Variants in GEMIN5 observed in about 807,000 individuals in gnomAD.
GEMIN5 encodes the protein gem nuclear organelle associated protein 5, also known as gem-associated protein 5.
In GEMIN5, 124 loss-of-function variants were observed where a neutral mutation model predicts 176.9. The observed-to-expected ratio is 0.70, with a 90% CI of 0.61 to 0.81. The LOEUF (loss-of-function observed/expected upper bound fraction) is 0.81, where lower values mean the gene tolerates loss of function less well. Ranked by LOEUF, GEMIN5 falls within the 40% of genes least tolerant of loss-of-function variation. GEMIN5 has a pLI of 0.00. For missense variants in GEMIN5, 1,843 were observed against 1,814.6 expected (o/e 1.02, Z -0.28); for synonymous variants, 673 against 665.2 (o/e 1.01, Z -0.18).
At position 154,891,341 on chromosome 5, in the gene GEMIN5, G is replaced by C. The variant is rs1429499353; in HGVS notation, c.4162C>G (p.His1388Asp). Reference sequence around the variant, plus strand: ...GATTTACAGAGTTGACTCTTTTGGTGTTGTCGGATCATTTCTGCCAAGGTC... The same window carrying C: ...GATTTACAGAGTTGACTCTTTTGGTCTTGTCGGATCATTTCTGCCAAGGTC... ...QETLAEMIRQ[H>D]QKSQLCKSTA... The change falls in exon 26 of 28, where the codon CAC becomes GAC. Residue 1388 changes from histidine (H) to aspartate (D), a missense_variant. Physicochemically the swap from His to Asp is moderately conservative, Grantham distance 81. Coordinates refer to ENST00000285873, the MANE Select transcript of GEMIN5 (RefSeq NM_015465.5). The C allele has an allele frequency of 6.2e-7, 1 of 1,614,054 alleles. No homozygotes were observed. Among genetic ancestry groups the C allele is most frequent in the African/African-American group, 1.3e-5 (1 of 75,014 alleles).
At chr5:154,936,567 G>A (rs1234254043) in intron 2 of GEMIN5, among the ~76,000 whole-genome samples, 2 of 152,140 alleles carry the variant, frequency 1.3e-5, no homozygotes, top group South Asian at 2.1e-4. Context: ...TATTAAGTAG[G>A]TCTTTTCCTT....
chr5:154,899,201 C>T lies in GEMIN5; in HGVS notation c.3124G>A (p.Ala1042Thr). Residue 1042 changes from alanine (A) to threonine (T), a missense_variant, in exon 22 of 28, where the codon GCT becomes ACT. Transcript: ENST00000285873. ...VLERDGHYAVAAKCYLGATCA... is the reference protein window; with the variant it reads ...VLERDGHYAVTAKCYLGATCA... ...ACTCCTCAGGCTTACCATTTGGCAG[C>T]TACAGCATAGTGGCCATCTCTTTCT... 1.2e-6 allele frequency: 2 copies of T among 1,611,474 alleles called. No individual in the cohort carries two copies. Among genetic ancestry groups the T allele is most frequent in the Non-Finnish European group, 1.7e-6 (2 of 1,178,788 alleles).
intron 3 of GEMIN5, among the ~76,000 whole-genome samples, chr5:154,932,745 G>A (rs1027244744): frequency 2.6e-5 from 4 of 152,000 alleles, no homozygotes; most frequent in Admixed American, 1.3e-4. Flanking sequence ...GTATTTTTTT[G>A]TAGAGATGAG....
intron 5 of GEMIN5, among the ~76,000 whole-genome samples, chr5:154,930,671 T>C (rs1282894230): frequency 6.6e-6 from 1 of 152,082 alleles, no homozygotes; most frequent in Non-Finnish European, 1.5e-5. Context: ...AGCAGAATGA[T>C]GGTTGCCAGG....
chr5:154,922,009 T>G (rs1763933142), intron 9 of GEMIN5, among the ~76,000 whole-genome samples: 1 of 152,254 alleles, frequency 6.6e-6, no homozygotes, highest in Non-Finnish European at 1.5e-5. Flanking sequence ...ATACATTCTT[T>G]GTATGATTGT....
rs200211713 is a variant in GEMIN5, at chr5:154,921,375, G to A, written c.1430C>T (p.Ala477Val). 1 of 1,492,648 alleles carries A rather than the reference G, an allele frequency of 6.7e-7. No individual in the cohort carries two copies. Among genetic ancestry groups the A allele is most frequent in the Non-Finnish European group, 9.3e-7 (1 of 1,076,706 alleles). 92.5% of individuals were successfully genotyped at this position (1,492,648 alleles called of 1,614,324 possible). The change falls in exon 10 of 28, where the codon GCC becomes GTC. Residue 477 changes from alanine (A) to valine (V), a missense_variant. Ala to Val is a moderately conservative substitution (Grantham distance 64, BLOSUM62 0). Coordinates refer to ENST00000285873, the MANE Select transcript of GEMIN5 (RefSeq NM_015465.5). ...TYHKKTVYTL[A>V]WGPPVPPMSL... Reference sequence around the variant, plus strand: ...CATGGGGGGTACTGGTGGCCCCCAGGCTAAAGTATATACAGTCTTCTTATG... The same window carrying A: ...CATGGGGGGTACTGGTGGCCCCCAGACTAAAGTATATACAGTCTTCTTATG...
intron 26 of GEMIN5, among the ~76,000 whole-genome samples, chr5:154,890,838 A>C (rs1200011732): frequency 6.6e-6 from 1 of 152,064 alleles, no homozygotes; most frequent in Admixed American, 6.6e-5. Flanking sequence ...ATTTTGACTC[A>C]CTGCAACCTC....
chr5:154,894,249 T>C (rs1763300075), intron 24 of GEMIN5, among the ~76,000 whole-genome samples: 1 of 152,192 alleles, frequency 6.6e-6, no homozygotes, highest in Admixed American at 6.5e-5. Context: ...CTGGCCCTTT[T>C]TATTGTTAAA....
At chr5:154,893,609 G>A (rs1434785829) in intron 24 of GEMIN5, among the ~76,000 whole-genome samples, 1 of 152,172 alleles carries the variant, frequency 6.6e-6, no homozygotes, top group Non-Finnish European at 1.5e-5. Context: ...GCGATCTCCT[G>A]GCCCCACCCC....
intron 23 of GEMIN5, among the ~76,000 whole-genome samples, chr5:154,897,510 A>C (rs182168379): frequency 4.7e-4 from 72 of 152,202 alleles, no homozygotes; most frequent in African/African-American, 1.6e-3. Context: ...TTTTTTTCTG[A>C]AGAGTCTCAC....
At chr5:154,889,452 C>A in intron 26 of GEMIN5, 35 bp from the exon 27 acceptor site, 1 of 1,204,398 alleles carries the variant, frequency 8.3e-7, no homozygotes, top group South Asian at 1.2e-5. Flanking sequence ...AATTGTATGT[C>A]TTGCCCTGGG....
intron 11 of GEMIN5, 60 bp downstream of exon 11, chr5:154,919,906 TG>T: frequency 6.9e-7 from 1 of 1,453,258 alleles, no homozygotes; most frequent in Non-Finnish European, 9.5e-7. Context: ...TTTTGCAAGA[TG>T]GGAAACACAG....
chr5:154,888,810 C>T (rs1244318362), intron 27 of GEMIN5, among the ~76,000 whole-genome samples: 3 of 152,046 alleles, frequency 2.0e-5, no homozygotes, highest in Admixed American at 6.5e-5. Flanking sequence ...TCTAGTCTCA[C>T]AAAACATTCT....
At chr5:154,922,219 G>C (rs1763937172) in intron 9 of GEMIN5, among the ~76,000 whole-genome samples, 1 of 152,112 alleles carries the variant, frequency 6.6e-6, no homozygotes, top group Non-Finnish European at 1.5e-5. Context: ...CCAGGCTGGA[G>C]TGCAGTGGTG....
chr5:154,937,216 G>T (rs376791830), intron 1 of GEMIN5, 31 bp from the exon 2 acceptor site: 3 of 1,556,268 alleles, frequency 1.9e-6, no homozygotes, highest in Non-Finnish European at 2.6e-6. Context: ...TAGGTTAATC[G>T]AAGTGCTATC....
At chr5:154,919,898 T>C in intron 11 of GEMIN5, 69 bp downstream of exon 11, 1 of 1,379,362 alleles carries the variant, frequency 7.2e-7, no homozygotes, top group Non-Finnish European at 1.0e-6. Flanking sequence ...AGCATTTATT[T>C]TGCAAGATGG....
Position 154,888,317 on chromosome 5 carries a change from A to T in GEMIN5, c.4420T>A (p.Phe1474Ile). ...ATTTCCTGGGCCAGACAGCCAGGAA[A>T]GTGGGACCTGATGAGAAGCAGGACG... is the stretch of plus-strand genomic sequence containing the variant. Reference protein sequence around the residue: ...CLVLLLIRSHFPGCLAQEMQQ... With the variant: ...CLVLLLIRSHIPGCLAQEMQQ... The change falls in exon 28 of 28, where the codon TTT (phenylalanine) becomes ATT (isoleucine). Residue 1474 changes from phenylalanine (F) to isoleucine (I), a missense_variant. Transcript: ENST00000285873. The T allele has an allele frequency of 6.2e-7, 1 of 1,614,226 alleles. No homozygotes were observed. The highest frequency in any genetic ancestry group is 1.3e-5 in the African/African-American group (1 of 75,068).
chr5:154,908,876 C>G (rs1033585237), intron 15 of GEMIN5, among the ~76,000 whole-genome samples: 4 of 152,182 alleles, frequency 2.6e-5, no homozygotes, highest in African/African-American at 9.7e-5. Flanking sequence ...GTATTTGCAT[C>G]TACTAGTTTT....
chr5:154,909,533 A>G (rs6580120), intron 15 of GEMIN5, among the ~76,000 whole-genome samples: 126,776 of 152,012 alleles, frequency 0.83, 53,584 homozygotes, highest in East Asian at 0.91. Flanking sequence ...CAATTTTTAA[A>G]TACTTTGGTA....
Sources: gnomAD v4.1 joint callset for allele counts (sites outside exome capture counted in the v4.1 genomes callset) on GRCh38, gnomAD v4.1.1 for gene constraint, MANE v1.5 for transcripts, NCBI Gene and HGNC (gene_info 2026-07-23, HGNC 2026-07-21) for gene names.